The following PRKN variants were observed in gnomAD, a reference collection of about 807,000 sequenced individuals.
PRKN encodes the protein parkin RBR E3 ubiquitin protein ligase, also known as E3 ubiquitin-protein ligase parkin.
PRKN carries 56 observed loss-of-function variants against 59.5 expected under a neutral mutation model. That is an observed-to-expected ratio of 0.94 (90% CI 0.76 to 1.18). PRKN has a LOEUF of 1.18. PRKN is among the 50% of genes most tolerant of loss of function. The probability of loss-of-function intolerance (pLI) is 0.00; values close to 1 mark genes in which losing one functional copy is unlikely to be tolerated. For missense variants in PRKN, 657 were observed against 596.4 expected, an observed-to-expected ratio of 1.10 and a Z score of -1.06; for synonymous variants, 250 against 222.1, an observed-to-expected ratio of 1.13 and a Z score of -1.12.
chr6:162,441,030 A>G (rs1562766787), intron 2 of PRKN, among the ~76,000 whole-genome samples: 1 of 152,060 alleles, frequency 6.6e-6, no homozygotes, highest in Non-Finnish European at 1.5e-5. Flanking sequence ...CTCGGCACCT[A>G]AATCATTTAA....
rs11406749 is a variant in PRKN at position 161,818,330 on chromosome 6, A to ATT, written c.735-32424_735-32423dup. Among the ~76,000 whole-genome samples the ATT allele has an allele frequency of 3.9e-3, 583 of 148,560 alleles. 17 individuals carry two copies. In the South Asian group the frequency reaches 0.069, roughly 18 times the overall value. On this transcript the variant is annotated intron_variant, in intron 6 of 11. Transcript: ENST00000366898. ...CTGGACATCTGATTCACTTGTTTTAATTTTTTTTTTTTTTAATTTTTAGAG... is the reference window on the plus strand; with the variant it reads ...CTGGACATCTGATTCACTTGTTTTAATTTTTTTTTTTTTTTTAATTTTTAGAG...
chr6:162,403,131 A>G (rs997858439), intron 2 of PRKN, among the ~76,000 whole-genome samples: 1 of 152,016 alleles, frequency 6.6e-6, no homozygotes, highest in African/African-American at 2.4e-5. Flanking sequence ...TCTTCTCAAC[A>G]TTGGTTTACA....
chr6:162,667,298 A>G (rs1173275762), intron 1 of PRKN, among the ~76,000 whole-genome samples: 1 of 152,062 alleles, frequency 6.6e-6, no homozygotes, highest in African/African-American at 2.4e-5. Context: ...CAGCCAGAAG[A>G]TTTTTTACAA....
intron 5 of PRKN, among the ~76,000 whole-genome samples, chr6:162,014,003 C>T (rs1393705570): frequency 2.0e-5 from 3 of 151,804 alleles, no homozygotes; most frequent in East Asian, 1.9e-4. Flanking sequence ...AACAAGGTTC[C>T]AAAGGTCAAA....
Position 161,407,038 on chromosome 6 carries a change from TTTAA to T in PRKN, c.1084-20165_1084-20162del, listed in dbSNP as rs762449890. Among the ~76,000 whole-genome samples the T allele has an allele frequency of 6.6e-6, 1 of 152,110 alleles. No individual in the cohort carries two copies. Among genetic ancestry groups the T allele is most frequent in the Non-Finnish European group, 1.5e-5 (1 of 68,018 alleles). ...TTAACAAAATGGGACTTCAGAGAAA[TTTAA>T]TTAAGATTTATTTCAAATTAAGATC... On this transcript the variant is annotated intron_variant, in intron 9 of 11. Transcript: ENST00000366898. This position sits in a 1 kb window ranked among gnomAD's most constrained non-coding sequence, Gnocchi z 4.9.
At position 161,378,441 on chromosome 6, in the gene PRKN, C is replaced by T. The variant is rs1320325048; in HGVS notation, c.1167+8353G>A. ...ACGGAGTCCTGTGTGTCCTCCACTC[C>T]TCGAGGAGACCAACTAACTGGCCAG... On this transcript the variant is annotated intron_variant, in intron 10 of 11. Coordinates refer to ENST00000366898, the MANE Select transcript of PRKN (RefSeq NM_004562.3). This position sits in a 1 kb window ranked among gnomAD's most constrained non-coding sequence, Gnocchi z 7.3. Among the ~76,000 whole-genome samples the T allele has an allele frequency of 1.3e-5, 2 of 152,198 alleles. No individual in the cohort carries two copies. Among genetic ancestry groups the T allele is most frequent in the African/African-American group, 4.8e-5 (2 of 41,456 alleles).
rs1483090394 is a variant in PRKN at position 161,547,592 on chromosome 6, C to T, written c.1083+1262G>A. ...AGTAGGCAATTAGCAGGCAGAAGCA[C>T]ATAATTTAGCCAGTAGTTAAAAACA... On this transcript the variant is annotated intron_variant, in intron 9 of 11. Coordinates refer to ENST00000366898, the MANE Select transcript of PRKN (RefSeq NM_004562.3). The surrounding 1 kb of genome is among the most constrained non-coding windows in gnomAD (Gnocchi z 4.0). Among the ~76,000 whole-genome samples the T allele has an allele frequency of 6.6e-6, 1 of 152,162 alleles. No homozygotes were observed. Among genetic ancestry groups the T allele is most frequent in the African/African-American group, 2.4e-5 (1 of 41,432 alleles).
At chr6:162,716,132 TTTC>T (rs1308798709) in intron 1 of PRKN, among the ~76,000 whole-genome samples, 2 of 152,246 alleles carry the variant, frequency 1.3e-5, no homozygotes, top group African/African-American at 2.4e-5. Context: ...AATTTAACAT[TTTC>T]TTTTTTCAGC....
At position 162,708,338 on chromosome 6, in the gene PRKN, G is replaced by T. The variant is rs1778407646; in HGVS notation, c.7+19324C>A. Among the ~76,000 whole-genome samples, 3 of 152,170 alleles carry T rather than the reference G, an allele frequency of 2.0e-5. No homozygotes were observed. The South Asian group carries it at 6.2e-4, about 32-fold the overall frequency. ...CAATTAAGGCCTGTGAATAAACGGA[G>T]ATGAGTATTCAAGATAATAGAAGTA... On this transcript the variant is annotated intron_variant, in intron 1 of 11. Transcript: ENST00000366898.
At chr6:162,514,786 T>C (rs1277904099) in intron 1 of PRKN, among the ~76,000 whole-genome samples, 1 of 152,092 alleles carries the variant, frequency 6.6e-6, no homozygotes, top group Non-Finnish European at 1.5e-5. Flanking sequence ...ACAAAAACTT[T>C]TCAGTCCTGA....
chr6:161,348,963 T>C lies in PRKN; in HGVS notation c.*1136A>G, dbSNP rs1048274739. 9 of 200,826 alleles carry C rather than the reference T, an allele frequency of 4.5e-5. No homozygotes were observed. Among genetic ancestry groups the C allele is most frequent in the African/African-American group, 2.1e-4 (9 of 43,522 alleles). 12.4% of individuals were successfully genotyped at this position (200,826 alleles called of 1,614,324 possible). A position where few individuals can be genotyped will look rare whatever the true frequency, so the allele number is the denominator to read the frequency against. On this transcript the variant is annotated 3_prime_UTR_variant, in exon 12 of 12. Transcript: ENST00000366898. The surrounding 1 kb of genome is among the most constrained non-coding windows in gnomAD (Gnocchi z 4.9). ...ATAAGGAATATTCTAGTGAGTTTAC[T>C]GTCCTAAGAGAAGGTCTCTCCTGGG...
At chr6:162,398,384 T>A (rs1398591436) in intron 2 of PRKN, among the ~76,000 whole-genome samples, 8 of 103,930 alleles carry the variant, frequency 7.7e-5, no homozygotes, top group Non-Finnish European at 1.4e-4. Flanking sequence ...CAGCCAGATC[T>A]TTCTCTTTTT....
chr6:161,570,334 AAT>A (rs1298677558), intron 7 of PRKN, among the ~76,000 whole-genome samples: 1 of 146,986 alleles, frequency 6.8e-6, no homozygotes, highest in Admixed American at 6.8e-5. Flanking sequence ...TATTGGCCTA[AAT>A]ATATATATTT....
chr6:161,443,103 T>C (rs1789320141), intron 9 of PRKN, among the ~76,000 whole-genome samples: 1 of 151,572 alleles, frequency 6.6e-6, no homozygotes, highest in African/African-American at 2.4e-5. Context: ...AGGTCGGGAG[T>C]TCGAGGCCAG....
chr6:162,609,841 CAG>C (rs1191200409), intron 1 of PRKN, among the ~76,000 whole-genome samples: 1 of 152,108 alleles, frequency 6.6e-6, no homozygotes, highest in Non-Finnish European at 1.5e-5. Context: ...TACCCTAAGA[CAG>C]AATAAATGGT....
chr6:162,250,194 GGC>G (rs200528508), intron 3 of PRKN, among the ~76,000 whole-genome samples: 32,852 of 151,108 alleles, frequency 0.22, 4,398 homozygotes, highest in African/African-American at 0.36. Flanking sequence ...TAAGGGGGGG[GGC>G]AGGGAATGGA....
Position 161,680,768 on chromosome 6 carries a change from TATA to T in PRKN, c.871+105001_871+105003del, listed in dbSNP as rs1284054488. The stretch of plus-strand genomic sequence containing the variant: ...ATATATATATATATATATATATATA[TATA>T]TATATTTTTTTTTTTTTTTCTTTTC... On this transcript the variant is annotated intron_variant, in intron 7 of 11. Transcript: ENST00000366898. 2.6e-3 allele frequency among the ~76,000 whole-genome samples: 52 copies of T among 20,046 alleles called. 1 individual carries two copies. The highest frequency in any genetic ancestry group is 0.015 in the East Asian group (7 of 474). 13.2% of individuals were successfully genotyped at this position (20,046 alleles called of 152,430 possible).
In PRKN at chr6:161,488,092, C is replaced by T. The variant is rs917793103; in HGVS notation, c.1083+60762G>A. Among the ~76,000 whole-genome samples the T allele has an allele frequency of 6.6e-5, 10 of 152,118 alleles. No individual in the cohort carries two copies. Among genetic ancestry groups the T allele is most frequent in the Admixed American group, 2.0e-4 (3 of 15,268 alleles). The stretch of plus-strand genomic sequence containing the variant: ...GCAGGGCTGGCTTACAGGGTGAGAT[C>T]GTGCAGTGGTTGGGGAAGGCATGGT... On this transcript the variant is annotated intron_variant, in intron 9 of 11. Transcript: ENST00000366898. The surrounding 1 kb of genome is among the most constrained non-coding windows in gnomAD (Gnocchi z 4.5).
intron 7 of PRKN, among the ~76,000 whole-genome samples, chr6:161,742,457 G>A (rs932102934): frequency 2.0e-5 from 3 of 152,178 alleles, no homozygotes; most frequent in Admixed American, 6.5e-5. Flanking sequence ...TTAGCAGCAT[G>A]AGAACAGACT....
Sources: gnomAD v4.1 joint callset for allele counts (sites outside exome capture counted in the v4.1 genomes callset) on GRCh38, gnomAD v4.1.1 for gene constraint, Gnocchi (gnomAD v3.1) non-coding constraint, MANE v1.5 for transcripts, NCBI Gene and HGNC (gene_info 2026-07-23, HGNC 2026-07-21) for gene names.